The following ARK2C variants were observed in gnomAD, a reference collection of about 807,000 sequenced individuals.
ARK2C encodes the protein arkadia (RNF111) C-terminal like ring finger ubiquitin ligase 2C, also known as E3 ubiquitin-protein ligase ARK2C.
At chr18:46,378,037 G>T in the ARK2C span, among the ~76,000 whole-genome samples, 1 of 152,134 alleles carries the variant, frequency 6.6e-6, no homozygotes, top group Non-Finnish European at 1.5e-5. Context: ...GAGGGGTCTT[G>T]GCAACTGCTG....
the ARK2C span, among the ~76,000 whole-genome samples, chr18:46,383,581 G>A: frequency 3.0e-5 from 4 of 131,228 alleles, no homozygotes; most frequent in African/African-American, 1.2e-4. Flanking sequence ...TTGAGACGGA[G>A]TCTCACTCTG....
chr18:46,410,383 C>T, the ARK2C span, among the ~76,000 whole-genome samples: 1 of 152,178 alleles, frequency 6.6e-6, no homozygotes, highest in Non-Finnish European at 1.5e-5. Flanking sequence ...CTTCTGTGTA[C>T]ACACACCTGG....
the ARK2C span, among the ~76,000 whole-genome samples, chr18:46,429,555 T>A: frequency 2.6e-5 from 4 of 152,250 alleles, no homozygotes; most frequent in Admixed American, 6.5e-5. Context: ...TTATTATTTG[T>A]TTTATTGTTA....
the ARK2C span, among the ~76,000 whole-genome samples, chr18:46,351,246 A>G: frequency 6.6e-6 from 1 of 152,306 alleles, no homozygotes; most frequent in South Asian, 2.1e-4. Context: ...ACCTAGCCCT[A>G]CAGAGTCACC....
the ARK2C span, among the ~76,000 whole-genome samples, chr18:46,344,315 G>A: frequency 6.6e-6 from 1 of 152,028 alleles, no homozygotes; most frequent in Non-Finnish European, 1.5e-5. Context: ...CTGAAGCTGA[G>A]TGGGAGGGAA....
At chr18:46,428,377 T>C in the ARK2C span, among the ~76,000 whole-genome samples, 5 of 152,116 alleles carry the variant, frequency 3.3e-5, no homozygotes, top group Admixed American at 6.5e-5. Flanking sequence ...CCACTGCACT[T>C]CAGCCTGGTG....
the ARK2C span, among the ~76,000 whole-genome samples, chr18:46,378,998 T>A: frequency 6.6e-6 from 1 of 152,184 alleles, no homozygotes; most frequent in African/African-American, 2.4e-5. Context: ...GCTCACCTGC[T>A]CCTAATTAGG....
chr18:46,460,163 T>C, the ARK2C span: 1 of 152,810 alleles, frequency 6.5e-6, no homozygotes, highest in East Asian at 1.9e-4. Context: ...TTACGCCTAA[T>C]GAACAAGCAC....
At chr18:46,446,271 T>C in the ARK2C span, among the ~76,000 whole-genome samples, 10,887 of 152,272 alleles carry the variant, frequency 0.071, 433 homozygotes, top group African/African-American at 0.088. Flanking sequence ...ATTCATTTAT[T>C]AGCTGAAAAA....
At chr18:46,439,058 G>A in the ARK2C span, among the ~76,000 whole-genome samples, 2 of 152,194 alleles carry the variant, frequency 1.3e-5, no homozygotes, top group South Asian at 4.1e-4. Context: ...GAGAGTGACT[G>A]GCAGTCCTTC....
At chr18:46,357,735 G>C in the ARK2C span, among the ~76,000 whole-genome samples, 1 of 152,358 alleles carries the variant, frequency 6.6e-6, no homozygotes, top group South Asian at 2.1e-4. Flanking sequence ...TGAGGGGTCT[G>C]TTGGCTTCTG....
the ARK2C span, chr18:46,433,482 C>T: frequency 6.2e-7 from 1 of 1,610,144 alleles, no homozygotes; most frequent in Non-Finnish European, 8.5e-7. Flanking sequence ...AAGCCCAGCA[C>T]CGCAGGCTGG....
the ARK2C span, among the ~76,000 whole-genome samples, chr18:46,346,760 C>T: frequency 1.3e-5 from 2 of 152,210 alleles, no homozygotes; most frequent in African/African-American, 2.4e-5. Flanking sequence ...CCACCACACA[C>T]CCCACTTCCC....
the ARK2C span, among the ~76,000 whole-genome samples, chr18:46,426,717 T>C: frequency 6.6e-6 from 1 of 152,256 alleles, no homozygotes; most frequent in Admixed American, 6.5e-5. Context: ...GTGGTGTTTG[T>C]TTGTTTCTGG....
chr18:46,439,042 G>A, the ARK2C span, among the ~76,000 whole-genome samples: 5 of 152,230 alleles, frequency 3.3e-5, no homozygotes, highest in Non-Finnish European at 5.9e-5. Flanking sequence ...TGTGCATGGA[G>A]TCTGTGAGAG....
the ARK2C span, chr18:46,337,673 C>T: frequency 3.3e-5 from 30 of 918,980 alleles, no homozygotes; most frequent in Non-Finnish European, 3.8e-5. Flanking sequence ...TTTTCTCTTG[C>T]TGTTTTCCCA....
the ARK2C span, among the ~76,000 whole-genome samples, chr18:46,421,131 A>G: frequency 1.3e-5 from 2 of 152,204 alleles, no homozygotes; most frequent in Non-Finnish European, 1.5e-5. Context: ...GGGTCTCCTC[A>G]GTTCATGCTG....
chr18:46,359,962 A>G, the ARK2C span, among the ~76,000 whole-genome samples: 5 of 152,320 alleles, frequency 3.3e-5, no homozygotes, highest in East Asian at 9.6e-4. Context: ...CTGGAAAAGG[A>G]TCTTTATTCC....
At chr18:46,413,163 C>G in the ARK2C span, among the ~76,000 whole-genome samples, 3 of 152,118 alleles carry the variant, frequency 2.0e-5, no homozygotes, top group African/African-American at 7.2e-5. Context: ...AAGCTGGGAA[C>G]CCTGCCAGGT....
Sources: allele counts gnomAD v4.1 joint callset (sites outside exome capture counted in the v4.1 genomes callset), GRCh38; gene constraint gnomAD v4.1.1; transcripts MANE v1.5; gene names NCBI Gene and HGNC (gene_info 2026-07-23, HGNC 2026-07-21).